Variants in ITGA4 observed in about 807,000 individuals in gnomAD.
ITGA4 encodes the protein integrin subunit alpha 4.
Under a neutral mutation model 133.6 loss-of-function variants are expected in ITGA4, and 63 were observed. The ratio of observed to expected loss-of-function variants is 0.47; its 90% CI spans 0.38 to 0.58. ITGA4 has a LOEUF of 0.58. ITGA4 is among the 20% of genes least tolerant of loss of function. ITGA4 has a pLI of 0.00. For missense variants in ITGA4, 1,076 were observed against 1,252.7 expected (o/e 0.86, Z 2.13); for synonymous variants, 483 against 438.0 (o/e 1.10, Z -1.28).
intron 9 of ITGA4, among the ~76,000 whole-genome samples, chr2:181,483,577 A>G (rs1212167510): frequency 2.0e-5 from 3 of 152,228 alleles, no homozygotes; most frequent in Non-Finnish European, 4.4e-5. Flanking sequence ...TTAAGAAAGA[A>G]AACATCTAGT....
chr2:181,482,246 A>G, intron 7 of ITGA4, 114 bp from the exon 8 acceptor site: 1 of 1,052,806 alleles, frequency 9.5e-7, no homozygotes, highest in East Asian at 2.7e-5. Context: ...TTATTTTTAT[A>G]TTTGAGCAAT....
chr2:181,502,128 A>G (rs566508929), intron 15 of ITGA4, among the ~76,000 whole-genome samples: 2 of 152,214 alleles, frequency 1.3e-5, no homozygotes, highest in East Asian at 1.9e-4. Flanking sequence ...GATGTTTTCT[A>G]TACTGCAGCT....
intron 2 of ITGA4, among the ~76,000 whole-genome samples, chr2:181,474,219 G>T (rs1039851602): frequency 6.6e-6 from 1 of 152,162 alleles, no homozygotes; most frequent in Non-Finnish European, 1.5e-5. Flanking sequence ...AGAAAATAAT[G>T]ATCACTGTGA....
intron 2 of ITGA4, among the ~76,000 whole-genome samples, chr2:181,468,075 G>A (rs143767498): frequency 4.6e-5 from 7 of 152,002 alleles, no homozygotes; most frequent in African/African-American, 7.2e-5. Flanking sequence ...GCATGTTTTC[G>A]CTGCCAGGCT....
Position 181,523,215 on chromosome 2 carries a change from CACACATAT to C in ITGA4, c.2074-220_2074-213del. 2.6e-6 allele frequency: 1 copy of C among 378,732 alleles called. No individual in the cohort carries two copies. Among genetic ancestry groups the C allele is most frequent in the East Asian group, 4.5e-5 (1 of 22,022 alleles). The allele number at this position is 378,732 out of a possible 1,614,324, so 23.5% of individuals were successfully genotyped here. A position where few individuals can be genotyped will look rare whatever the true frequency, so the allele number is the denominator to read the frequency against. ...ACATATATATACACACACATATATACACACATATATACATACATATATATACACATACA... is the reference window on the plus strand; with the variant it reads ...ACATATATATACACACACATATATACATACATACATATATATACACATACA... On this transcript the variant is annotated intron_variant, in intron 18 of 27. Transcript: ENST00000397033. This position sits in a 1 kb window ranked among gnomAD's most constrained non-coding sequence, Gnocchi z 4.2.
At chr2:181,487,053 A>G (rs155107) in intron 10 of ITGA4, among the ~76,000 whole-genome samples, 108,139 of 152,088 alleles carry the variant, frequency 0.71, 39,020 homozygotes, top group Admixed American at 0.77. Context: ...TTAAACGTAA[A>G]ATAGTGTAAC....
At chr2:181,511,902 C>T in intron 17 of ITGA4, 127 bp downstream of exon 17, 1 of 552,718 alleles carries the variant, frequency 1.8e-6, no homozygotes, top group Admixed American at 3.1e-5. Flanking sequence ...AAAGAATTAG[C>T]AACACAATGC....
chr2:181,524,964 A>G (rs1466840836), intron 20 of ITGA4, among the ~76,000 whole-genome samples: 2 of 152,094 alleles, frequency 1.3e-5, no homozygotes, highest in Non-Finnish European at 2.9e-5. Flanking sequence ...TTTGTTAAAA[A>G]AAAAAAAATT....
At position 181,537,948 on chromosome 2, in the gene ITGA4, G is replaced by A. The variant is rs762054907; in HGVS notation, c.*2421G>A. 75 of 625,482 alleles carry A rather than the reference G, an allele frequency of 1.2e-4. No individual in the cohort carries two copies. Among genetic ancestry groups the A allele is most frequent in the South Asian group, 2.7e-4 (18 of 65,892 alleles). The allele number at this position is 625,482 out of a possible 1,614,324, so 38.7% of individuals were successfully genotyped here. On this transcript the variant is annotated 3_prime_UTR_variant, in exon 28 of 28. Transcript: ENST00000397033. ...CAGCATTAGATTCTCATAGAAGTGC[G>A]AACCATATGGTGAACTGGTATGTGA... is the stretch of plus-strand genomic sequence containing the variant.
chr2:181,458,639 G>T (rs960897385), intron 2 of ITGA4: 43 of 302,454 alleles, frequency 1.4e-4, no homozygotes, highest in Non-Finnish European at 6.4e-5. Context: ...AGCGTATTAA[G>T]GACAGGATCC....
chr2:181,526,439 T>A (rs1686831380), intron 21 of ITGA4, among the ~76,000 whole-genome samples: 1 of 152,176 alleles, frequency 6.6e-6, no homozygotes. Context: ...CCTAGAAACA[T>A]ATTTCTTAGA....
chr2:181,524,262 T>C lies in ITGA4; in HGVS notation c.2249+12T>C, dbSNP rs1275633125. 2 of 1,482,632 alleles carry C rather than the reference T, an allele frequency of 1.3e-6. No homozygotes were observed. Among genetic ancestry groups the C allele is most frequent in the Admixed American group, 2.0e-5 (1 of 49,820 alleles). The allele number at this position is 1,482,632 out of a possible 1,614,324, so 91.8% of individuals were successfully genotyped here. On this transcript the variant is annotated intron_variant, in intron 20 of 27. Coordinates refer to ENST00000397033, the MANE Select transcript of ITGA4 (RefSeq NM_000885.6). ...GTGCATGCTACCTGGTATAATTTAT[T>C]GTTAATAAAATGAACTAGAAATATA... is the stretch of plus-strand genomic sequence containing the variant.
chr2:181,521,364 C>T (rs1050063265), intron 17 of ITGA4, among the ~76,000 whole-genome samples: 6 of 152,094 alleles, frequency 3.9e-5, no homozygotes, highest in African/African-American at 1.4e-4. Context: ...GAATAAGTTC[C>T]TTATGTCTCA....
intron 15 of ITGA4, among the ~76,000 whole-genome samples, chr2:181,500,144 A>G (rs926057149): frequency 8.5e-5 from 13 of 152,182 alleles, no homozygotes; most frequent in African/African-American, 3.1e-4. Context: ...GGGATTGTAC[A>G]TGGCAGGGAC....
chr2:181,517,539 A>G (rs1203411103), intron 17 of ITGA4, among the ~76,000 whole-genome samples: 1 of 152,056 alleles, frequency 6.6e-6, no homozygotes, highest in Non-Finnish European at 1.5e-5. Flanking sequence ...TGCATGTTTT[A>G]ATGAAGAATG....
Position 181,522,295 on chromosome 2 carries a change from A to G in ITGA4, c.2027A>G (p.His676Arg). 6.2e-7 allele frequency: 1 copy of G among 1,610,342 alleles called. No homozygotes were observed. ...GATGATGCATATGAAACGACTCTAC[A>G]TGTCAAACTACCCGTGGGTCTTTAT... ...AGDDAYETTL[H>R]VKLPVGLYFI... Residue 676 changes from histidine to arginine, a missense_variant, in exon 18 of 28, where the codon CAT becomes CGT. Transcript: ENST00000397033.
At chr2:181,482,298 A>C in intron 7 of ITGA4, 62 bp from the exon 8 acceptor site, 1 of 1,449,960 alleles carries the variant, frequency 6.9e-7, no homozygotes, top group East Asian at 2.3e-5. Context: ...TCAAACAGAA[A>C]GGAGTGGTGT....
intron 15 of ITGA4, among the ~76,000 whole-genome samples, chr2:181,505,068 A>G (rs1686366871): frequency 6.6e-6 from 1 of 151,886 alleles, no homozygotes; most frequent in African/African-American, 2.4e-5. Flanking sequence ...CTTCCTATGT[A>G]AGAGCCTCCC....
Position 181,523,744 on chromosome 2 carries a change from C to G in ITGA4, c.2169+212C>G, listed in dbSNP as rs190199960. Among the ~76,000 whole-genome samples the G allele has an allele frequency of 1.5e-4, 23 of 152,130 alleles. No individual in the cohort carries two copies. Among genetic ancestry groups the G allele is most frequent in the Admixed American group, 1.4e-3 (22 of 15,280 alleles). On this transcript the variant is annotated intron_variant, in intron 19 of 27. Transcript: ENST00000397033. This position sits in a 1 kb window ranked among gnomAD's most constrained non-coding sequence, Gnocchi z 4.2. ...TTTAAAGGGGGTGGCATGTTTACAT[C>G]GAAATGGGCATGTGCATGTGTCAAT...
Sources: allele counts gnomAD v4.1 joint callset (sites outside exome capture counted in the v4.1 genomes callset), GRCh38; gene constraint gnomAD v4.1.1; non-coding constraint Gnocchi (gnomAD v3.1); transcripts MANE v1.5; gene names NCBI Gene and HGNC (gene_info 2026-07-23, HGNC 2026-07-21).